NALF1: variants seen among roughly 807,000 people sequenced by gnomAD.
NALF1 encodes the protein family with sequence similarity 155 member A.
Under a neutral mutation model 48.4 loss-of-function variants are expected in NALF1, and 3 were observed. That is an observed-to-expected ratio of 0.06 (90% CI 0.03 to 0.16). NALF1 has a LOEUF of 0.16. Among genes scored for constraint, NALF1 ranks in the 10% least tolerant of loss-of-function variants. The pLI is 1.00. For missense variants in NALF1, 526 were observed against 571.5 expected (o/e 0.92, Z 0.81); for synonymous variants, 262 against 245.7 (o/e 1.07, Z -0.62).
Position 107,180,645 on chromosome 13 carries a change from T to C in NALF1, c.1088-9859A>G, listed in dbSNP as rs112755745. ...AAGATGCATATATATACACACACAC[T>C]ACATGCATATAATTTGTGAATCTCA... is the stretch of plus-strand genomic sequence containing the variant. On this transcript the variant is annotated intron_variant, in intron 2 of 2. Transcript: ENST00000375915. Among the ~76,000 whole-genome samples, 701 of 151,994 alleles carry C rather than the reference T, an allele frequency of 4.6e-3. 8 individuals carry two copies. The highest frequency in any genetic ancestry group is 0.016 in the African/African-American group (656 of 41,552).
chr13:107,250,594 A>C (rs947132027), intron 1 of NALF1, among the ~76,000 whole-genome samples: 2 of 152,170 alleles, frequency 1.3e-5, no homozygotes, highest in Non-Finnish European at 2.9e-5. Flanking sequence ...TGTAATTTTC[A>C]GAGAGGATAG....
chr13:107,569,241 G>A (rs186631681), intron 1 of NALF1, among the ~76,000 whole-genome samples: 2,598 of 151,770 alleles, frequency 0.017, 77 homozygotes, highest in African/African-American at 0.059. Flanking sequence ...AGGCCGAGGC[G>A]GGTGGATCAC....
intron 1 of NALF1, among the ~76,000 whole-genome samples, chr13:107,346,469 T>G (rs1390918934): frequency 6.6e-6 from 1 of 152,222 alleles, no homozygotes; most frequent in Non-Finnish European, 1.5e-5. Context: ...TGTCATGTTC[T>G]ACAACATGGA....
intron 1 of NALF1, among the ~76,000 whole-genome samples, chr13:107,832,064 A>G (rs1361421066): frequency 1.3e-5 from 2 of 152,124 alleles, no homozygotes; most frequent in Non-Finnish European, 2.9e-5. Flanking sequence ...ACATTTTGTG[A>G]TTATCTTTTA....
chr13:107,806,097 T>A (rs564699689), intron 1 of NALF1, among the ~76,000 whole-genome samples: 29 of 152,292 alleles, frequency 1.9e-4, no homozygotes, highest in Middle Eastern at 6.8e-3. Context: ...AGGAAGCATA[T>A]AAACCTCGAA....
Position 107,623,461 on chromosome 13 carries a change from A to G in NALF1, c.915+242221T>C, listed in dbSNP as rs1228715179. ...AAAGAAATTAGAAAAAAAAAAAAATATTACTCCCCCTGAGCCATCTTTAAA... is the reference window on the plus strand; with the variant it reads ...AAAGAAATTAGAAAAAAAAAAAAATGTTACTCCCCCTGAGCCATCTTTAAA... On this transcript the variant is annotated intron_variant, in intron 1 of 2. Coordinates refer to ENST00000375915, the MANE Select transcript of NALF1 (RefSeq NM_001080396.3). Among the ~76,000 whole-genome samples, 75 of 88,940 alleles carry G rather than the reference A, an allele frequency of 8.4e-4. 1 individual carries two copies. Among genetic ancestry groups the G allele is most frequent in the Non-Finnish European group, 1.5e-4 (5 of 33,806 alleles). 58.3% of individuals were successfully genotyped at this position (88,940 alleles called of 152,430 possible).
chr13:107,374,862 C>G (rs1057213878), intron 1 of NALF1, among the ~76,000 whole-genome samples: 4 of 152,134 alleles, frequency 2.6e-5, no homozygotes, highest in Non-Finnish European at 5.9e-5. Context: ...AGGCTCTGAC[C>G]AGATGTGGGT....
chr13:107,759,749 T>C (rs1245105333), intron 1 of NALF1, among the ~76,000 whole-genome samples: 1 of 151,030 alleles, frequency 6.6e-6, no homozygotes, highest in African/African-American at 2.4e-5. Flanking sequence ...TTAGCTATCT[T>C]CAAATGGCAT....
chr13:107,762,048 C>A (rs1877279172), intron 1 of NALF1, among the ~76,000 whole-genome samples: 1 of 151,834 alleles, frequency 6.6e-6, no homozygotes, highest in Non-Finnish European at 1.5e-5. Context: ...TCTTTGTGTA[C>A]CCAAGGGCAC....
intron 1 of NALF1, among the ~76,000 whole-genome samples, chr13:107,505,740 T>C (rs114778419): frequency 0.021 from 3,170 of 152,268 alleles, 110 homozygotes; most frequent in African/African-American, 0.072. Flanking sequence ...AGCTTCATAG[T>C]AGGTCACTGG....
At chr13:107,198,798 G>A (rs995099882) in intron 2 of NALF1, among the ~76,000 whole-genome samples, 2 of 151,970 alleles carry the variant, frequency 1.3e-5, no homozygotes, top group African/African-American at 4.8e-5. Flanking sequence ...CTCTGGTATG[G>A]GCCTTTCTTC....
intron 1 of NALF1, among the ~76,000 whole-genome samples, chr13:107,795,682 A>G (rs188266545): frequency 6.7e-4 from 102 of 152,172 alleles, no homozygotes; most frequent in African/African-American, 2.4e-3. Context: ...CCTTAATAAT[A>G]CTATAGTTTA....
chr13:107,498,191 G>C (rs1875400552), intron 1 of NALF1, among the ~76,000 whole-genome samples: 1 of 152,158 alleles, frequency 6.6e-6, no homozygotes, highest in South Asian at 2.1e-4. Context: ...GGTGATGAAT[G>C]TATCTCATAT....
intron 1 of NALF1, among the ~76,000 whole-genome samples, chr13:107,522,252 C>T (rs1295622687): frequency 1.3e-5 from 2 of 152,130 alleles, no homozygotes; most frequent in African/African-American, 4.8e-5. Flanking sequence ...TTCGTATCCT[C>T]TCCCCTACGC....
intron 2 of NALF1, among the ~76,000 whole-genome samples, chr13:107,185,608 C>T (rs1321461482): frequency 6.6e-6 from 1 of 152,078 alleles, no homozygotes; most frequent in Non-Finnish European, 1.5e-5. Flanking sequence ...ATGTTGCCCT[C>T]TTTCTCCAAT....
intron 1 of NALF1, among the ~76,000 whole-genome samples, chr13:107,343,854 T>A (rs1882725981): frequency 6.6e-6 from 1 of 151,566 alleles, no homozygotes; most frequent in Non-Finnish European, 1.5e-5. Flanking sequence ...GAATAAAAAT[T>A]AGACCAGAAA....
At chr13:107,614,082 T>C (rs553227858) in intron 1 of NALF1, among the ~76,000 whole-genome samples, 1 of 152,330 alleles carries the variant, frequency 6.6e-6, no homozygotes, top group South Asian at 2.1e-4. Context: ...ACTTTGCTCA[T>C]TAGATTTGAG....
intron 1 of NALF1, among the ~76,000 whole-genome samples, chr13:107,758,051 C>T (rs1045380293): frequency 1.3e-5 from 2 of 152,128 alleles, no homozygotes; most frequent in African/African-American, 4.8e-5. Flanking sequence ...GGTGGCATCT[C>T]TTCAACACCA....
intron 1 of NALF1, among the ~76,000 whole-genome samples, chr13:107,315,382 C>T (rs11618327): frequency 0.22 from 33,583 of 151,982 alleles, 4,827 homozygotes; most frequent in South Asian, 0.45. Context: ...TTTGTTAAAA[C>T]GCTGCTTTTC....
Sources: gnomAD v4.1 joint callset for allele counts (sites outside exome capture counted in the v4.1 genomes callset) on GRCh38, gnomAD v4.1.1 for gene constraint, MANE v1.5 for transcripts, NCBI Gene and HGNC (gene_info 2026-07-23, HGNC 2026-07-21) for gene names.